The following PITRM1 variants were observed in gnomAD, a reference collection of about 807,000 sequenced individuals.
PITRM1 encodes presequence protease, mitochondrial.
PITRM1 carries 100 observed loss-of-function variants against 129.9 expected under a neutral mutation model. That is an observed-to-expected ratio of 0.77 (90% CI 0.65 to 0.91). The LOEUF is 0.91. Among genes scored for constraint, PITRM1 ranks in the 40% least tolerant of loss-of-function variants. The probability of loss-of-function intolerance (pLI) is 0.00; values close to 1 mark genes in which losing one functional copy is unlikely to be tolerated. For synonymous variants in PITRM1, 591 were observed against 508.8 expected, an observed-to-expected ratio of 1.16 and a Z score of -2.17; for missense variants, 1,471 against 1,318.3, an observed-to-expected ratio of 1.12 and a Z score of -1.79.
rs150035636 is a variant in PITRM1 at position 3,143,588 on chromosome 10, G to A, written c.2533-87C>T. 702 of 918,070 alleles carry A rather than the reference G, an allele frequency of 7.6e-4. 2 individuals are homozygous for A. The highest frequency in any genetic ancestry group is 7.0e-3 in the African/African-American group (434 of 61,592). 56.9% of individuals were successfully genotyped at this position (918,070 alleles called of 1,614,324 possible). On this transcript the variant is annotated intron_variant, in intron 22 of 26. Transcript: ENST00000224949. The stretch of plus-strand genomic sequence containing the variant: ...CTGGACCCACTCAGGGGTCAGAGGC[G>A]GCTGTGCTCCCACGCACTGCCCACG...
intron 15 of PITRM1, 46 bp downstream of exon 15, chr10:3,151,201 C>G (rs183531179): frequency 3.8e-6 from 4 of 1,058,980 alleles, no homozygotes. Flanking sequence ...CATTTAATTC[C>G]CCCAAGGAAC....
At chr10:3,169,958 G>C (rs908070565) in intron 2 of PITRM1, 146 bp downstream of exon 2, 10 of 569,316 alleles carry the variant, frequency 1.8e-5, no homozygotes, top group Non-Finnish European at 2.9e-5. Context: ...CAGCCGAGTA[G>C]CTGCCACACA....
At chr10:3,138,589 A>G (rs1459837031) in intron 25 of PITRM1, 1 of 602,814 alleles carries the variant, frequency 1.7e-6, no homozygotes, top group Non-Finnish European at 2.9e-6. Flanking sequence ...TGATGCTGTG[A>G]GCAAAAGCGG....
chr10:3,159,334 G>A (rs1207449875), intron 9 of PITRM1, among the ~76,000 whole-genome samples: 1 of 152,208 alleles, frequency 6.6e-6, no homozygotes, highest in East Asian at 1.9e-4. Flanking sequence ...CACCATTAAG[G>A]AGACAAGGAA....
intron 7 of PITRM1, among the ~76,000 whole-genome samples, chr10:3,161,422 A>G (rs1045568345): frequency 1.3e-5 from 2 of 152,236 alleles, no homozygotes; most frequent in Admixed American, 6.5e-5. Flanking sequence ...TTTCTTTACT[A>G]TATAGCCTGA....
chr10:3,146,060 T>A (rs1479159029), intron 20 of PITRM1: 1 of 237,692 alleles, frequency 4.2e-6, no homozygotes, highest in East Asian at 1.2e-4. Context: ...TGACAACTTT[T>A]AAAATTACTG....
rs770525130 is a variant in PITRM1, at chr10:3,147,555, C to G, written c.2235+17G>C. The G allele has an allele frequency of 2.5e-6, 4 of 1,612,954 alleles. No homozygotes were observed. Among genetic ancestry groups the G allele is most frequent in the Non-Finnish European group, 2.5e-6 (3 of 1,179,146 alleles). On this transcript the variant is annotated intron_variant, in intron 19 of 26. Transcript: ENST00000224949. The stretch of plus-strand genomic sequence containing the variant: ...TGGCTAAACCGGAGTAATAGAGGTT[C>G]CTTCCAAGCTTCCCACCTGATCCAT...
At chr10:3,172,510 CT>C (rs1258546912) in intron 1 of PITRM1, among the ~76,000 whole-genome samples, 1 of 152,186 alleles carries the variant, frequency 6.6e-6, no homozygotes, top group Non-Finnish European at 1.5e-5. Context: ...GGCATCGCCC[CT>C]GGGAGTAGGA....
At chr10:3,139,952 G>A (rs1840012948) in intron 24 of PITRM1, among the ~76,000 whole-genome samples, 1 of 152,200 alleles carries the variant, frequency 6.6e-6, no homozygotes. Flanking sequence ...TCCACATCAG[G>A]CACCTCCAAC....
Position 3,167,768 on chromosome 10 carries a change from G to C in PITRM1, c.160-726C>G, listed in dbSNP as rs184595850. Reference sequence around the variant, plus strand: ...GGGCCTGCAAGGAGGGGAAATGCTAGAGTGGGCTAGCCTGCGACAGCAGGG... The same window carrying C: ...GGGCCTGCAAGGAGGGGAAATGCTACAGTGGGCTAGCCTGCGACAGCAGGG... On this transcript the variant is annotated intron_variant, in intron 2 of 26. Coordinates refer to ENST00000224949, the MANE Select transcript of PITRM1 (RefSeq NM_014889.4). The C allele has an allele frequency of 1.3e-3, 201 of 152,388 alleles. 1 individual carries two copies. Among genetic ancestry groups the C allele is most frequent in the Non-Finnish European group, 2.0e-3 (137 of 68,128 alleles). The allele number at this position is 152,388 out of a possible 1,614,324, so 9.4% of individuals were successfully genotyped here.
Position 3,160,021 on chromosome 10 carries a change from C to T in PITRM1, c.919-85G>A, listed in dbSNP as rs181174757. On this transcript the variant is annotated intron_variant, in intron 8 of 26. Coordinates refer to ENST00000224949, the MANE Select transcript of PITRM1 (RefSeq NM_014889.4). ...GGTTATCTGGATACACGAAATGGAGCGAAACAGGCTTTCCACTAAGTTAAC... is the reference window on the plus strand; with the variant it reads ...GGTTATCTGGATACACGAAATGGAGTGAAACAGGCTTTCCACTAAGTTAAC... 2.0e-3 allele frequency: 2,514 copies of T among 1,236,000 alleles called. 4 individuals are homozygous for T. The highest frequency in any genetic ancestry group is 2.6e-3 in the Non-Finnish European group (2,245 of 862,194). 76.6% of individuals were successfully genotyped at this position (1,236,000 alleles called of 1,614,324 possible).
chr10:3,158,277 A>C, intron 10 of PITRM1, 124 bp from the exon 11 acceptor site: 1 of 649,110 alleles, frequency 1.5e-6, no homozygotes, highest in Non-Finnish European at 2.7e-6. Context: ...TGAAAAGCTC[A>C]TTAAAGCAGT....
intron 7 of PITRM1, among the ~76,000 whole-genome samples, chr10:3,161,169 A>G (rs1315224896): frequency 1.3e-5 from 2 of 152,196 alleles, no homozygotes; most frequent in Non-Finnish European, 2.9e-5. Flanking sequence ...TTGGATTTGC[A>G]GGCATGAGCC....
chr10:3,145,907 C>T lies in PITRM1; in HGVS notation c.2337-191G>A, dbSNP rs1041386288. 9.5e-5 allele frequency: 55 copies of T among 580,576 alleles called. 1 individual carries two copies. The highest frequency in any genetic ancestry group is 9.4e-4 in the Middle Eastern group (2 of 2,136). The allele number at this position is 580,576 out of a possible 1,614,324, so 36.0% of individuals were successfully genotyped here. A position where few individuals can be genotyped will look rare whatever the true frequency, so the allele number is the denominator to read the frequency against. Reference sequence around the variant, plus strand: ...GTGCTTCAGGTTATCAAGAGATTTCCGCACAGTTCAATGTGGCAGCTAATG... The same window carrying T: ...GTGCTTCAGGTTATCAAGAGATTTCTGCACAGTTCAATGTGGCAGCTAATG... On this transcript the variant is annotated intron_variant, in intron 20 of 26. Transcript: ENST00000224949.
intron 21 of PITRM1, among the ~76,000 whole-genome samples, chr10:3,144,629 C>T (rs1027183206): frequency 6.6e-6 from 1 of 152,108 alleles, no homozygotes; most frequent in African/African-American, 2.4e-5. Flanking sequence ...GTAGTGAGCT[C>T]CCATCTCAAC....
At chr10:3,166,891 T>C in intron 3 of PITRM1, 45 bp downstream of exon 3, 1 of 1,182,544 alleles carries the variant, frequency 8.5e-7, no homozygotes, top group South Asian at 1.4e-5. Flanking sequence ...ATTCCTGATT[T>C]AAATAAAAAC....
chr10:3,141,685 A>ACGCC lies in PITRM1; in HGVS notation c.2646-877_2646-874dup, dbSNP rs1330380744. On this transcript the variant is annotated intron_variant, in intron 23 of 26. Coordinates refer to ENST00000224949, the MANE Select transcript of PITRM1 (RefSeq NM_014889.4). ...CAGCACAGACACAGGCTCCTTGAAG[A>ACGCC]CGCCCGTGGTGAGATCAGCCCCAGG... is the stretch of plus-strand genomic sequence containing the variant. 1.1e-5 allele frequency: 5 copies of ACGCC among 470,514 alleles called. No individual in the cohort carries two copies. In the Admixed American group the frequency reaches 1.2e-4, roughly 11 times the overall value. The allele number at this position is 470,514 out of a possible 1,614,324, so 29.1% of individuals were successfully genotyped here.
rs766768216 is a variant in PITRM1 at position 3,147,673 on chromosome 10, T to G, written c.2134A>C (p.Asn712His). 3 of 1,613,602 alleles carry G rather than the reference T, an allele frequency of 1.9e-6. No homozygotes were observed. The highest frequency in any genetic ancestry group is 2.5e-6 in the Non-Finnish European group (3 of 1,179,656). ...LVKMTAQELA[N>H]GIPDSGHLYA... is the part of the protein sequence containing the mutation. ...AGGTGCCCAGAGTCAGGAATTCCATTGGCGAGCTCCTGGGCGGTCATCTTC... is the reference window on the plus strand; with the variant it reads ...AGGTGCCCAGAGTCAGGAATTCCATGGGCGAGCTCCTGGGCGGTCATCTTC... Residue 712 changes from asparagine (N) to histidine (H), a missense_variant, in exon 19 of 27, where the codon AAT (asparagine) becomes CAT (histidine). By Grantham distance (68) the Asn-to-His change is moderately conservative. Coordinates refer to ENST00000224949, the MANE Select transcript of PITRM1 (RefSeq NM_014889.4).
intron 1 of PITRM1, among the ~76,000 whole-genome samples, chr10:3,171,159 A>C (rs1440782884): frequency 8.1e-6 from 1 of 123,798 alleles, no homozygotes; most frequent in African/African-American, 3.8e-5. Context: ...AAAAAAAAAA[A>C]AAAAAAAAAA....
Sources: allele counts gnomAD v4.1 joint callset (sites outside exome capture counted in the v4.1 genomes callset), GRCh38; gene constraint gnomAD v4.1.1; transcripts MANE v1.5; gene names NCBI Gene and HGNC (gene_info 2026-07-23, HGNC 2026-07-21).